The following EFR3A variants were observed in gnomAD, a reference collection of about 807,000 sequenced individuals.
EFR3A encodes protein EFR3 homolog A.
In EFR3A, 76 loss-of-function variants were observed where a neutral mutation model predicts 104.4. The observed-to-expected ratio is 0.73, with a 90% confidence interval of 0.60 to 0.88. The LOEUF (loss-of-function observed/expected upper bound fraction) is 0.88, where lower values mean the gene tolerates loss of function less well. Ranked by LOEUF, EFR3A falls within the 40% of genes least tolerant of loss-of-function variation. EFR3A has a pLI of 0.00. For missense variants in EFR3A, 985 were observed against 1,012.5 expected, an observed-to-expected ratio of 0.97 and a Z score of 0.37; for synonymous variants, 330 against 330.0, an observed-to-expected ratio of 1.00 and a Z score of 0.00.
chr8:131,908,769 T>C (rs1474797229), intron 1 of EFR3A, among the ~76,000 whole-genome samples: 2 of 152,230 alleles, frequency 1.3e-5, no homozygotes, highest in East Asian at 3.9e-4. Context: ...ACTGTCACTT[T>C]TGCTTAGCAC....
chr8:131,909,787 C>T (rs1479399700), intron 1 of EFR3A, among the ~76,000 whole-genome samples: 2 of 152,142 alleles, frequency 1.3e-5, no homozygotes, highest in Non-Finnish European at 2.9e-5. Flanking sequence ...CCAGGAGTAA[C>T]CCTCCTGCCC....
intron 18 of EFR3A, among the ~76,000 whole-genome samples, chr8:131,988,465 G>A (rs1821009934): frequency 6.6e-6 from 1 of 151,632 alleles, no homozygotes; most frequent in Non-Finnish European, 1.5e-5. Flanking sequence ...TTAATAACAT[G>A]GATCCAAAAT....
At chr8:132,008,173 A>T (rs890503821) in intron 22 of EFR3A, among the ~76,000 whole-genome samples, 1 of 152,108 alleles carries the variant, frequency 6.6e-6, no homozygotes, top group Non-Finnish European at 1.5e-5. Flanking sequence ...AAAATACAGT[A>T]TACACAATAC....
At chr8:132,003,879 A>G (rs573129381) in intron 22 of EFR3A, among the ~76,000 whole-genome samples, 2 of 152,322 alleles carry the variant, frequency 1.3e-5, no homozygotes, top group East Asian at 3.9e-4. Flanking sequence ...GAACTTCCAC[A>G]TAGTCTTACA....
intron 22 of EFR3A, among the ~76,000 whole-genome samples, chr8:132,010,407 G>GATATATATATATATATATATAT (rs66644698): frequency 6.1e-5 from 5 of 81,876 alleles, no homozygotes; most frequent in African/African-American, 9.8e-5. Context: ...TCAAGTATGA[G>GATATATATATATATATATATAT]ATATATATAT....
intron 1 of EFR3A, among the ~76,000 whole-genome samples, chr8:131,917,199 A>G (rs1816778605): frequency 6.6e-6 from 1 of 152,260 alleles, no homozygotes; most frequent in Non-Finnish European, 1.5e-5. Context: ...AAACTGCTTT[A>G]TTCACACAAG....
chr8:131,928,350 A>G (rs1817410858), intron 1 of EFR3A, among the ~76,000 whole-genome samples: 1 of 152,128 alleles, frequency 6.6e-6, no homozygotes. Context: ...TGCAGACATT[A>G]TACAATTTTT....
chr8:131,935,385 G>C (rs1817823657), intron 1 of EFR3A: 9 of 263,114 alleles, frequency 3.4e-5, no homozygotes, highest in South Asian at 2.9e-4. Context: ...TCATATTCTG[G>C]TGGTGAAGAC....
intron 7 of EFR3A, among the ~76,000 whole-genome samples, chr8:131,957,021 G>T (rs973681466): frequency 1.3e-5 from 2 of 152,048 alleles, no homozygotes; most frequent in African/African-American, 2.4e-5. Context: ...TACCAAATAA[G>T]TTGTACTTGA....
intron 14 of EFR3A, among the ~76,000 whole-genome samples, chr8:131,982,849 CGA>C (rs1820683260): frequency 6.6e-6 from 1 of 151,908 alleles, no homozygotes; most frequent in East Asian, 1.9e-4. Flanking sequence ...AGAGAAAGAA[CGA>C]GAGAGACAAA....
At chr8:131,934,550 CT>C (rs2130519452) in intron 1 of EFR3A, among the ~76,000 whole-genome samples, 1 of 151,982 alleles carries the variant, frequency 6.6e-6, no homozygotes, top group South Asian at 2.1e-4. Flanking sequence ...ATGTAGTCAC[CT>C]TTTTAAGTCC....
chr8:131,936,817 G>A (rs1029240420), intron 1 of EFR3A, among the ~76,000 whole-genome samples: 2 of 152,090 alleles, frequency 1.3e-5, no homozygotes, highest in Non-Finnish European at 2.9e-5. Flanking sequence ...TTTGCTCCAG[G>A]TAAGTCACCC....
At chr8:131,940,175 G>C (rs942714035) in intron 1 of EFR3A, 2 of 272,892 alleles carry the variant, frequency 7.3e-6, no homozygotes, top group African/African-American at 2.2e-5. Context: ...GCAACAGGTG[G>C]GTGGGGGTAT....
intron 5 of EFR3A, among the ~76,000 whole-genome samples, chr8:131,950,676 C>G (rs191524941): frequency 2.2e-4 from 34 of 152,272 alleles, no homozygotes; most frequent in Admixed American, 1.7e-3. Flanking sequence ...GGTTTGAGGA[C>G]TGCAGTATCG....
intron 22 of EFR3A, among the ~76,000 whole-genome samples, chr8:132,010,396 ATCAAG>A (rs1297203299): frequency 2.4e-5 from 3 of 126,850 alleles, no homozygotes; most frequent in Non-Finnish European, 4.9e-5. Context: ...TCTGGATTAA[ATCAAG>A]TATGAGATAT....
At chr8:131,985,411 A>G (rs1586653219) in intron 16 of EFR3A, among the ~76,000 whole-genome samples, 1 of 152,178 alleles carries the variant, frequency 6.6e-6, no homozygotes, top group Non-Finnish European at 1.5e-5. Flanking sequence ...ATTCTAAACT[A>G]CTTGAGGCAG....
chr8:131,987,547 ATGAT>A, intron 17 of EFR3A, 24 bp from the exon 18 acceptor site: 3 of 1,571,932 alleles, frequency 1.9e-6, no homozygotes, highest in Non-Finnish European at 1.7e-6. Context: ...TTAATACTGA[ATGAT>A]TGTTGTTTTG....
At chr8:131,923,211 C>T (rs1817135033) in intron 1 of EFR3A, among the ~76,000 whole-genome samples, 1 of 152,058 alleles carries the variant, frequency 6.6e-6, no homozygotes, top group African/African-American at 2.4e-5. Flanking sequence ...GTTATTTCGG[C>T]AAAGTATTAT....
chr8:131,999,838 A>C (rs1342599257), intron 19 of EFR3A, among the ~76,000 whole-genome samples: 1 of 152,148 alleles, frequency 6.6e-6, no homozygotes, highest in East Asian at 1.9e-4. Flanking sequence ...AGTCAGTGTC[A>C]TTATTAGAGT....
Sources: allele counts gnomAD v4.1 joint callset (sites outside exome capture counted in the v4.1 genomes callset), GRCh38; gene constraint gnomAD v4.1.1; transcripts MANE v1.5; gene names NCBI Gene and HGNC (gene_info 2026-07-23, HGNC 2026-07-21).